The following ACYP2 variants were observed in gnomAD, a reference collection of about 807,000 sequenced individuals.
ACYP2 encodes the protein acylphosphatase-2.
In ACYP2, 12 loss-of-function variants were observed where a neutral mutation model predicts 11.2. The observed-to-expected ratio is 1.08, with a 90% CI of 0.69 to 1.74. ACYP2 has a LOEUF of 1.74. Ranked by LOEUF, ACYP2 falls within the 40% of genes most tolerant of loss-of-function variation. The pLI is 0.00. For missense variants in ACYP2, 134 were observed against 101.9 expected, an observed-to-expected ratio of 1.31 and a Z score of -1.35; for synonymous variants, 43 against 32.2, an observed-to-expected ratio of 1.33 and a Z score of -1.13.
At chr2:54,243,414 G>C (rs1431474649) in intron 6 of ACYP2, among the ~76,000 whole-genome samples, 3 of 152,150 alleles carry the variant, frequency 2.0e-5, no homozygotes, top group Non-Finnish European at 1.5e-5. Flanking sequence ...ACATAGAAAA[G>C]GCACAGTGAA....
At chr2:54,142,074 A>C (rs1681640052) in intron 6 of ACYP2, 2 of 402,308 alleles carry the variant, frequency 5.0e-6, no homozygotes, top group African/African-American at 2.0e-5. Flanking sequence ...GTGTCTCACT[A>C]TGTTGCTCAG....
intron 2 of ACYP2, among the ~76,000 whole-genome samples, chr2:54,045,451 G>A (rs1675467965): frequency 6.6e-6 from 1 of 152,206 alleles, no homozygotes; most frequent in African/African-American, 2.4e-5. Flanking sequence ...TTTTAAGAGA[G>A]GAGCAGGCTA....
chr2:54,044,441 C>G (rs1231119795), intron 2 of ACYP2, among the ~76,000 whole-genome samples: 1 of 136,046 alleles, frequency 7.4e-6, no homozygotes, highest in East Asian at 2.4e-4. Flanking sequence ...CTAAAAATAC[C>G]AAAAGAAAAA....
At chr2:53,995,870 C>T (rs1373475787) in intron 2 of ACYP2, among the ~76,000 whole-genome samples, 2 of 152,154 alleles carry the variant, frequency 1.3e-5, no homozygotes, top group East Asian at 1.9e-4. Context: ...CGGTCGTTCA[C>T]GCCTATAATC....
At chr2:54,301,197 T>A (rs1321471718) in intron 6 of ACYP2, among the ~76,000 whole-genome samples, 2 of 152,248 alleles carry the variant, frequency 1.3e-5, no homozygotes, top group Non-Finnish European at 2.9e-5. Context: ...TTGCATTTTT[T>A]AAATTTGCTA....
intron 6 of ACYP2, among the ~76,000 whole-genome samples, chr2:54,286,531 A>C (rs545409156): frequency 6.6e-6 from 1 of 152,150 alleles, no homozygotes; most frequent in East Asian, 1.9e-4. Context: ...ATAGTCATCT[A>C]TGTCTATCAG....
chr2:54,043,486 C>A (rs1013374175), intron 2 of ACYP2, among the ~76,000 whole-genome samples: 5 of 152,064 alleles, frequency 3.3e-5, no homozygotes, highest in Non-Finnish European at 5.9e-5. Context: ...TTTCAAATGC[C>A]CTGCAGGGCA....
At chr2:54,232,523 G>A (rs1169756322) in intron 6 of ACYP2, among the ~76,000 whole-genome samples, 1 of 152,182 alleles carries the variant, frequency 6.6e-6, no homozygotes, top group Admixed American at 6.5e-5. Context: ...GGGCATCATG[G>A]AGCAGGAGGT....
At chr2:54,135,574 C>T in intron 5 of ACYP2, 105 bp downstream of exon 2, 1 of 857,388 alleles carries the variant, frequency 1.2e-6, no homozygotes, top group Non-Finnish European at 1.8e-6. Flanking sequence ...CTGTTTACTC[C>T]CTGTCCTTGA....
chr2:54,184,915 C>T (rs10185153), intron 6 of ACYP2, among the ~76,000 whole-genome samples: 2,432 of 150,610 alleles, frequency 0.016, 62 homozygotes, highest in African/African-American at 0.056. Flanking sequence ...GGCACCTTCT[C>T]GGTTCACTGA....
intron 2 of ACYP2, among the ~76,000 whole-genome samples, chr2:54,023,209 C>T (rs1231650042): frequency 1.3e-5 from 2 of 152,032 alleles, no homozygotes; most frequent in African/African-American, 2.4e-5. Context: ...TTTCATTTTA[C>T]ATTTTATGTG....
chr2:54,115,588 C>T (rs747137366), intron 4 of ACYP2, 27 bp from the exon 1 acceptor site: 4 of 1,542,948 alleles, frequency 2.6e-6, no homozygotes, highest in Non-Finnish European at 3.5e-6. Context: ...GGACCGGTGA[C>T]AGGCGCGGGG....
At chr2:54,269,421 A>G (rs1688180715) in intron 6 of ACYP2, among the ~76,000 whole-genome samples, 1 of 152,250 alleles carries the variant, frequency 6.6e-6, no homozygotes, top group Admixed American at 6.5e-5. Context: ...AAACTTTAAA[A>G]AGAATTATGA....
chr2:54,002,921 T>G (rs906273660), intron 2 of ACYP2, among the ~76,000 whole-genome samples: 1 of 151,306 alleles, frequency 6.6e-6, no homozygotes, highest in African/African-American at 2.5e-5. Flanking sequence ...GTGCTGGGAT[T>G]ACAGGCGTGA....
intron 2 of ACYP2, among the ~76,000 whole-genome samples, chr2:54,021,237 G>A (rs1025518358): frequency 6.6e-6 from 1 of 152,210 alleles, no homozygotes. Flanking sequence ...TCAGGTCAGA[G>A]CAGCTGACCA....
chr2:54,095,819 G>T (rs1302251447), intron 4 of ACYP2, among the ~76,000 whole-genome samples: 8 of 117,088 alleles, frequency 6.8e-5, no homozygotes, highest in Admixed American at 2.3e-4. Context: ...CGGACGGGGC[G>T]GCTGGCCGGG....
At chr2:54,064,034 G>T (rs1676610066) in intron 4 of ACYP2, among the ~76,000 whole-genome samples, 1 of 152,090 alleles carries the variant, frequency 6.6e-6, no homozygotes. Flanking sequence ...TCTTTTTTGA[G>T]ACGGGGTCTC....
At chr2:54,145,549 T>G (rs1419327366) in intron 6 of ACYP2, among the ~76,000 whole-genome samples, 1 of 152,158 alleles carries the variant, frequency 6.6e-6, no homozygotes, top group African/African-American at 2.4e-5. Context: ...GAAGCTCATG[T>G]GCCCATTACC....
intron 2 of ACYP2, among the ~76,000 whole-genome samples, chr2:54,035,945 T>A (rs901477862): frequency 6.6e-6 from 1 of 152,194 alleles, no homozygotes; most frequent in Non-Finnish European, 1.5e-5. Context: ...ATGTCAACAA[T>A]ATAATTAAAT....
Sources: gnomAD v4.1 joint callset for allele counts (sites outside exome capture counted in the v4.1 genomes callset) on GRCh38, gnomAD v4.1.1 for gene constraint, MANE v1.5 for transcripts, NCBI Gene and HGNC (gene_info 2026-07-23, HGNC 2026-07-21) for gene names.